Variants in SLC6A19 observed in about 807,000 individuals in gnomAD.
The protein encoded by SLC6A19 is sodium-dependent neutral amino acid transporter B(0)AT1.
Under a neutral mutation model 68.3 loss-of-function variants are expected in SLC6A19, and 67 were observed. The ratio of observed to expected loss-of-function variants is 0.98; its 90% CI spans 0.81 to 1.20. The LOEUF (loss-of-function observed/expected upper bound fraction) is 1.20, where lower values mean the gene tolerates loss of function less well. Among genes scored for constraint, SLC6A19 ranks in the 50% most tolerant of loss-of-function variants. The pLI is 0.00. For missense variants in SLC6A19, 813 were observed against 851.6 expected (o/e 0.95, Z 0.56); for synonymous variants, 392 against 374.9 (o/e 1.05, Z -0.53).
At chr5:1,208,570 C>G (rs984158481) in intron 1 of SLC6A19, among the ~76,000 whole-genome samples, 176 bp from the exon 2 acceptor site, 1 of 152,208 alleles carries the variant, frequency 6.6e-6, no homozygotes, top group South Asian at 2.1e-4. Flanking sequence ...GCTTCTAGAA[C>G]GTGGAGTCAG....
intron 10 of SLC6A19, among the ~76,000 whole-genome samples, chr5:1,220,004 G>A (rs989631731): frequency 6.6e-6 from 1 of 152,134 alleles, no homozygotes; most frequent in African/African-American, 2.4e-5. Context: ...GCAGGGGGGT[G>A]GGGAGTGCCT....
chr5:1,205,062 G>A (rs1319718897), intron 1 of SLC6A19, among the ~76,000 whole-genome samples: 6 of 152,016 alleles, frequency 3.9e-5, no homozygotes, highest in African/African-American at 7.3e-5. Flanking sequence ...ATTTGGCCAC[G>A]TCCCCACCCC....
At chr5:1,217,927 C>T (rs1043416892) in intron 8 of SLC6A19, among the ~76,000 whole-genome samples, 8 of 152,328 alleles carry the variant, frequency 5.3e-5, no homozygotes, top group South Asian at 2.1e-4. Flanking sequence ...AAGAAACCCC[C>T]GTGGTGTGCA....
At chr5:1,218,302 G>A (rs1432470454) in intron 8 of SLC6A19, among the ~76,000 whole-genome samples, 1 of 152,214 alleles carries the variant, frequency 6.6e-6, no homozygotes, top group Non-Finnish European at 1.5e-5. Flanking sequence ...GAGCCCCACG[G>A]AGCTGGGCAG....
Position 1,208,745 on chromosome 5 carries a change from G to A in SLC6A19, c.203-1G>A. 1.2e-6 allele frequency: 2 copies of A among 1,613,466 alleles called. No individual in the cohort carries two copies. Among genetic ancestry groups the A allele is most frequent in the Non-Finnish European group, 1.7e-6 (2 of 1,179,992 alleles). ...GGCATGGTGGACTCCTCCCATTGCA[G>A]GAGCCTTCATGATCCCGTTCCTCAT... On this transcript the variant is annotated splice_acceptor_variant, in intron 1 of 11. Coordinates refer to ENST00000304460, the MANE Select transcript of SLC6A19 (RefSeq NM_001003841.3). LOFTEE classifies it high-confidence loss of function.
rs1746139021 is a variant in SLC6A19, at chr5:1,214,213, C to T, written c.887+148C>T. ...GGCCCGTTCCCTCCTGCTCGGGGTCCATGTGAGCTGAGTCTAGAGTGCAGC... is the reference window on the plus strand; with the variant it reads ...GGCCCGTTCCCTCCTGCTCGGGGTCTATGTGAGCTGAGTCTAGAGTGCAGC... On this transcript the variant is annotated intron_variant, in intron 6 of 11. Coordinates refer to ENST00000304460, the MANE Select transcript of SLC6A19 (RefSeq NM_001003841.3). This position sits in a 1 kb window ranked among gnomAD's most constrained non-coding sequence, Gnocchi z 7.4. 2 of 1,458,772 alleles carry T rather than the reference C, an allele frequency of 1.4e-6. No homozygotes were observed. The allele number at this position is 1,458,772 out of a possible 1,614,324, so 90.4% of individuals were successfully genotyped here.
intron 8 of SLC6A19, among the ~76,000 whole-genome samples, chr5:1,217,399 CGA>C (rs1413711840): frequency 1.3e-5 from 2 of 152,228 alleles, no homozygotes; most frequent in Non-Finnish European, 2.9e-5. Context: ...CTCCACGTAA[CGA>C]GTGTTTTTGA....
chr5:1,203,812 C>G (rs1004006830), intron 1 of SLC6A19, among the ~76,000 whole-genome samples: 7 of 152,244 alleles, frequency 4.6e-5, no homozygotes, highest in African/African-American at 1.7e-4. Flanking sequence ...GGCAGGGCCC[C>G]GAGAATGGGA....
intron 5 of SLC6A19, 58 bp from the exon 6 acceptor site, chr5:1,213,893 TCC>T: frequency 2.3e-6 from 1 of 439,460 alleles, no homozygotes; most frequent in Non-Finnish European, 3.8e-6. Flanking sequence ...GAGCACACCC[TCC>T]CAGGTCCCCA....
At position 1,214,012 on chromosome 5, in the gene SLC6A19, C is replaced by T; in HGVS notation, c.834C>T (p.Ser278=). ...ACGCGGGCGCACAGGTCTTCTTCTC[C>T]TTCTCCCTGGCCTTCGGGGGCCTCA... ...WLDAGAQVFF[S]FSLAFGGLIS... Residue 278 remains serine, a synonymous_variant, in exon 6 of 12, where the codon TCC becomes TCT. Coordinates refer to ENST00000304460, the MANE Select transcript of SLC6A19 (RefSeq NM_001003841.3). This position sits in a 1 kb window ranked among gnomAD's most constrained non-coding sequence, Gnocchi z 7.4. The T allele has an allele frequency of 1.2e-6, 2 of 1,613,768 alleles. No individual in the cohort carries two copies. The highest frequency in any genetic ancestry group is 1.3e-5 in the African/African-American group (1 of 75,046).
chr5:1,211,146 C>A (rs1410162149), intron 3 of SLC6A19, among the ~76,000 whole-genome samples: 1 of 152,222 alleles, frequency 6.6e-6, no homozygotes, highest in East Asian at 1.9e-4. Flanking sequence ...ACCAGCACAG[C>A]GGGGCCAGCG....
intron 10 of SLC6A19, 128 bp downstream of exon 10, chr5:1,219,792 G>T: frequency 7.8e-7 from 1 of 1,289,626 alleles, no homozygotes; most frequent in South Asian, 1.3e-5. Context: ...GCCTCGGCCG[G>T]CCACAGAGGC....
chr5:1,220,960 C>A (rs1746362497), intron 10 of SLC6A19, among the ~76,000 whole-genome samples, 191 bp from the exon 11 acceptor site: 1 of 152,184 alleles, frequency 6.6e-6, no homozygotes, highest in Non-Finnish European at 1.5e-5. Flanking sequence ...GCAGAGGCAG[C>A]TGCTGGCCGT....
intron 3 of SLC6A19, among the ~76,000 whole-genome samples, chr5:1,211,091 G>A (rs1317862550): frequency 1.3e-5 from 2 of 152,190 alleles, no homozygotes; most frequent in East Asian, 3.9e-4. Context: ...ATTCACACGT[G>A]GTCCTGGGGC....
In SLC6A19 at chr5:1,214,075, G is replaced by A. The variant is rs1746133116; in HGVS notation, c.887+10G>A. On this transcript the variant is annotated intron_variant, in intron 6 of 11. Transcript: ENST00000304460. This position sits in a 1 kb window ranked among gnomAD's most constrained non-coding sequence, Gnocchi z 7.4. ...GCTACAACTCTGTGCAGTGAGTGCG[G>A]GTGTGGTGGGCCTCAGTTTCCCTCT... The A allele has an allele frequency of 6.2e-7, 1 of 1,613,590 alleles. No homozygotes were observed. Among genetic ancestry groups the A allele is most frequent in the African/African-American group, 1.3e-5 (1 of 74,926 alleles).
In SLC6A19 at chr5:1,221,233, C is replaced by A. The variant is rs145047090; in HGVS notation, c.1621C>A (p.Leu541Ile). 7 of 1,614,044 alleles carry A rather than the reference C, an allele frequency of 4.3e-6. No individual in the cohort carries two copies. The African/African-American group carries it at 9.3e-5, about 22-fold the overall frequency. ...CACGTGGCGCGTGGTCAGCCCCCTG[C>A]TCATGCTGATCATCTTCCTCTTCTT... Reference protein sequence around the residue: ...QVTWRVVSPLLMLIIFLFFFV... With the variant: ...QVTWRVVSPLIMLIIFLFFFV... Residue 541 changes from leucine (L) to isoleucine (I), a missense_variant, in exon 11 of 12, where the codon CTC (leucine) becomes ATC (isoleucine). Transcript: ENST00000304460.
rs774578806 is a variant in SLC6A19 at position 1,214,018 on chromosome 5, C to T, written c.840C>T (p.Ser280=). 6 of 1,613,834 alleles carry T rather than the reference C, an allele frequency of 3.7e-6. No individual in the cohort carries two copies. In the South Asian group the frequency reaches 6.6e-5, roughly 18 times the overall value. ...GCGCACAGGTCTTCTTCTCCTTCTC[C>T]CTGGCCTTCGGGGGCCTCATCTCCT... ...DAGAQVFFSF[S]LAFGGLISFS... is the part of the protein sequence containing the mutation. The change falls in exon 6 of 12, where the codon TCC becomes TCT. Residue 280 remains serine, a synonymous_variant. Transcript: ENST00000304460. This position sits in a 1 kb window ranked among gnomAD's most constrained non-coding sequence, Gnocchi z 7.4.
At position 1,214,207 on chromosome 5, in the gene SLC6A19, G is replaced by A. The variant is rs534700077; in HGVS notation, c.887+142G>A. ...CCGATGGGCCCGTTCCCTCCTGCTC[G>A]GGGTCCATGTGAGCTGAGTCTAGAG... On this transcript the variant is annotated intron_variant, in intron 6 of 11. Coordinates refer to ENST00000304460, the MANE Select transcript of SLC6A19 (RefSeq NM_001003841.3). The surrounding 1 kb of genome is among the most constrained non-coding windows in gnomAD (Gnocchi z 7.4). 2.4e-3 allele frequency: 3,572 copies of A among 1,477,048 alleles called. 9 individuals are homozygous for A. The highest frequency in any genetic ancestry group is 4.6e-3 in the East Asian group (185 of 40,472). 91.5% of individuals were successfully genotyped at this position (1,477,048 alleles called of 1,614,324 possible).
chr5:1,201,966 G>A, intron 1 of SLC6A19, 114 bp downstream of exon 1: 3 of 1,362,490 alleles, frequency 2.2e-6, no homozygotes, highest in Non-Finnish European at 3.0e-6. Context: ...GCACGGAGGG[G>A]AGAGGAGAAG....
Sources: allele counts gnomAD v4.1 joint callset (sites outside exome capture counted in the v4.1 genomes callset), GRCh38; gene constraint gnomAD v4.1.1; non-coding constraint Gnocchi (gnomAD v3.1); transcripts MANE v1.5; gene names NCBI Gene and HGNC (gene_info 2026-07-23, HGNC 2026-07-21).